ADAM22: variants seen among roughly 807,000 people sequenced by gnomAD.
ADAM22 encodes the protein ADAM metallopeptidase domain 22.
Under a neutral mutation model 144.6 loss-of-function variants are expected in ADAM22, and 65 were observed. The ratio of observed to expected loss-of-function variants is 0.45; its 90% CI spans 0.37 to 0.55. The LOEUF (loss-of-function observed/expected upper bound fraction) is 0.55. Ranked by LOEUF, ADAM22 falls within the 20% of genes least tolerant of loss-of-function variation. The pLI is 0.00. For synonymous variants in ADAM22, 391 were observed against 412.6 expected, an observed-to-expected ratio of 0.95 and a Z score of 0.63; for missense variants, 974 against 1,184.9, an observed-to-expected ratio of 0.82 and a Z score of 2.61.
chr7:87,946,785 A>G (rs2131336009), intron 2 of ADAM22, among the ~76,000 whole-genome samples: 1 of 152,348 alleles, frequency 6.6e-6, no homozygotes, highest in Non-Finnish European at 1.5e-5. Flanking sequence ...TCATAACAGC[A>G]AAGTCAGGGA....
intron 2 of ADAM22, among the ~76,000 whole-genome samples, chr7:87,974,477 T>G (rs368493154): frequency 7.9e-5 from 12 of 152,100 alleles, no homozygotes; most frequent in Admixed American, 5.9e-4. Flanking sequence ...GCAAGTTTGG[T>G]TTGGGTGAGA....
chr7:88,135,896 G>A, intron 13 of ADAM22, 84 bp from the exon 14 acceptor site: 2 of 1,179,250 alleles, frequency 1.7e-6, no homozygotes, highest in East Asian at 2.6e-5. Flanking sequence ...GGAATAAAGT[G>A]GAGATAATTA....
intron 29 of ADAM22, among the ~76,000 whole-genome samples, chr7:88,183,255 C>A (rs1205341406): frequency 6.6e-6 from 1 of 152,148 alleles, no homozygotes; most frequent in Non-Finnish European, 1.5e-5. Flanking sequence ...ATAAACTCTT[C>A]TTGGAATGTT....
chr7:88,028,300 C>T lies in ADAM22; in HGVS notation c.324-47326C>T, dbSNP rs139388854. 2.3e-3 allele frequency among the ~76,000 whole-genome samples: 348 copies of T among 152,170 alleles called. 3 individuals are homozygous for T. Among genetic ancestry groups the T allele is most frequent in the African/African-American group, 8.2e-3 (340 of 41,534 alleles). On this transcript the variant is annotated intron_variant, in intron 3 of 31. Coordinates refer to ENST00000413139, the MANE Select transcript of ADAM22 (RefSeq NM_001324418.2). ...TGTTTGTATAGTTTCCAAAATTCCT[C>T]TTGTTATTGATTTCTAGTTTGATTT...
At chr7:88,131,893 A>G (rs924091235) in intron 11 of ADAM22, 1 of 154,714 alleles carries the variant, frequency 6.5e-6, no homozygotes, top group South Asian at 2.1e-4. Flanking sequence ...CAAATTATAT[A>G]TAGTAGAATT....
intron 3 of ADAM22, among the ~76,000 whole-genome samples, chr7:87,984,612 C>T (rs758611660): frequency 3.7e-4 from 56 of 152,248 alleles, no homozygotes; most frequent in Non-Finnish European, 6.5e-4. Context: ...AAAATTTCCC[C>T]GTTCCTATTC....
rs181836489 is a variant in ADAM22, at chr7:88,058,842, T to A, written c.324-16784T>A. Reference sequence around the variant, plus strand: ...AATCAATGGAATATAGAACATATACTGTGTTGCCTCTAGTGCTTGAATTTT... The same window carrying A: ...AATCAATGGAATATAGAACATATACAGTGTTGCCTCTAGTGCTTGAATTTT... On this transcript the variant is annotated intron_variant, in intron 3 of 31. Transcript: ENST00000413139. Among the ~76,000 whole-genome samples the A allele has an allele frequency of 3.3e-5, 5 of 152,296 alleles. No individual in the cohort carries two copies. In the East Asian group the frequency reaches 7.7e-4, roughly 24 times the overall value.
At chr7:88,116,455 T>C (rs1023364340) in intron 6 of ADAM22, among the ~76,000 whole-genome samples, 2 of 152,230 alleles carry the variant, frequency 1.3e-5, no homozygotes, top group Admixed American at 1.3e-4. Context: ...TTAAGTCATT[T>C]TGCCAAATGT....
At chr7:87,950,794 G>T (rs1396738195) in intron 2 of ADAM22, among the ~76,000 whole-genome samples, 12 of 149,614 alleles carry the variant, frequency 8.0e-5, no homozygotes. Context: ...ATCCTCTCCA[G>T]CACCTGTTGT....
chr7:87,982,064 T>TACACACACAC (rs1250869235), intron 3 of ADAM22, among the ~76,000 whole-genome samples: 55 of 79,310 alleles, frequency 6.9e-4, no homozygotes, highest in African/African-American at 3.2e-3. Context: ...TATATATATA[T>TACACACACAC]ATATACACAC....
At chr7:87,984,003 G>A (rs774383441) in intron 3 of ADAM22, among the ~76,000 whole-genome samples, 15 of 152,018 alleles carry the variant, frequency 9.9e-5, no homozygotes, top group Non-Finnish European at 1.6e-4. Flanking sequence ...AATTATTCTC[G>A]ATGCTGATAA....
intron 4 of ADAM22, among the ~76,000 whole-genome samples, chr7:88,083,047 A>G (rs1345269398): frequency 1.3e-5 from 2 of 152,220 alleles, no homozygotes; most frequent in African/African-American, 4.8e-5. Context: ...ATGTATGTTT[A>G]TTGTGGCACT....
At chr7:87,952,320 A>G (rs1293968896) in intron 2 of ADAM22, among the ~76,000 whole-genome samples, 8 of 152,002 alleles carry the variant, frequency 5.3e-5, no homozygotes, top group Non-Finnish European at 1.0e-4. Flanking sequence ...CGTCCCATCA[A>G]TACCTAATTT....
chr7:88,181,440 T>G (rs773938067), intron 27 of ADAM22, 65 bp from the exon 28 acceptor site: 4 of 1,372,168 alleles, frequency 2.9e-6, no homozygotes, highest in Non-Finnish European at 4.1e-6. Flanking sequence ...GAAGTTTTGC[T>G]TACTGATCTC....
chr7:88,136,072 C>T lies in ADAM22; in HGVS notation c.1220+41C>T, dbSNP rs752372822. ...TTGAAAATAACTCAGTCTTACATTC[C>T]CTGCTGTGCTGTTGTCTTCTTAGGA... On this transcript the variant is annotated intron_variant, in intron 14 of 31. Coordinates refer to ENST00000413139, the MANE Select transcript of ADAM22 (RefSeq NM_001324418.2). The T allele has an allele frequency of 4.5e-6, 7 of 1,567,012 alleles. No individual in the cohort carries two copies. In the African/African-American group the frequency reaches 9.5e-5, roughly 21 times the overall value.
chr7:88,064,727 A>G lies in ADAM22; in HGVS notation c.324-10899A>G, dbSNP rs187760677. ...TTTTATAAAGGCACTAATCTGTTCT[A>G]TGAGGGCAGAGCTTTCATGACCCAA... On this transcript the variant is annotated intron_variant, in intron 3 of 31. Coordinates refer to ENST00000413139, the MANE Select transcript of ADAM22 (RefSeq NM_001324418.2). 2.6e-3 allele frequency among the ~76,000 whole-genome samples: 403 copies of G among 152,254 alleles called. 2 individuals carry two copies. Among genetic ancestry groups the G allele is most frequent in the Non-Finnish European group, 4.9e-3 (331 of 68,024 alleles).
chr7:88,039,464 A>AAAATATATAT, intron 3 of ADAM22, among the ~76,000 whole-genome samples: 1 of 76,378 alleles, frequency 1.3e-5, no homozygotes, highest in Non-Finnish European at 2.7e-5. Context: ...AAAAAAAAAA[A>AAAATATATAT]ATATATATAT....
At chr7:88,121,883 A>G (rs992854349) in intron 7 of ADAM22, among the ~76,000 whole-genome samples, 1 of 152,214 alleles carries the variant, frequency 6.6e-6, no homozygotes, top group Non-Finnish European at 1.5e-5. Flanking sequence ...TGTATTAGTT[A>G]TCTATTGCTG....
At chr7:87,974,664 C>T (rs1851463208) in intron 2 of ADAM22, among the ~76,000 whole-genome samples, 1 of 152,204 alleles carries the variant, frequency 6.6e-6, no homozygotes, top group Non-Finnish European at 1.5e-5. Context: ...GTATTAGTTT[C>T]CTGGTGCTTC....
Sources: gnomAD v4.1 joint callset for allele counts (sites outside exome capture counted in the v4.1 genomes callset) on GRCh38, gnomAD v4.1.1 for gene constraint, MANE v1.5 for transcripts, NCBI Gene and HGNC (gene_info 2026-07-23, HGNC 2026-07-21) for gene names.